Variants in TOX3 observed in about 807,000 individuals in gnomAD.
TOX3 encodes CAG trinucleotide repeat-containing gene F9 protein.
Under a neutral mutation model 64.3 loss-of-function variants are expected in TOX3, and 22 were observed. That is an observed-to-expected ratio of 0.34 (90% CI 0.24 to 0.49). The LOEUF (loss-of-function observed/expected upper bound fraction) is 0.49, where lower values mean the gene tolerates loss of function less well. Ranked by LOEUF, TOX3 falls within the 20% of genes least tolerant of loss-of-function variation. The pLI is 0.99. For missense variants in TOX3, 661 were observed against 714.4 expected, an observed-to-expected ratio of 0.93 and a Z score of 0.85; for synonymous variants, 291 against 273.6, an observed-to-expected ratio of 1.06 and a Z score of -0.63.
chr16:52,493,522 G>T (rs2151459403), intron 1 of TOX3, among the ~76,000 whole-genome samples: 1 of 152,316 alleles, frequency 6.6e-6, no homozygotes, highest in East Asian at 1.9e-4. Context: ...CATCTGAAGA[G>T]AATTACTTAC....
At chr16:52,500,396 C>A (rs1308178474) in intron 1 of TOX3, among the ~76,000 whole-genome samples, 1 of 152,156 alleles carries the variant, frequency 6.6e-6, no homozygotes, top group East Asian at 1.9e-4. Context: ...ACTATGGGTA[C>A]CAGTTAATCG....
At chr16:52,518,962 A>T (rs1962526407) in intron 1 of TOX3, among the ~76,000 whole-genome samples, 3 of 152,206 alleles carry the variant, frequency 2.0e-5, no homozygotes, top group Non-Finnish European at 4.4e-5. Context: ...TGTAAACACC[A>T]ATGGCAATGA....
At chr16:52,453,451 T>C (rs2151748408) in intron 3 of TOX3, among the ~76,000 whole-genome samples, 1 of 152,298 alleles carries the variant, frequency 6.6e-6, no homozygotes. Context: ...CCCAAAGTGC[T>C]GGGATTACAG....
At chr16:52,537,218 G>A (rs1460999048) in intron 1 of TOX3, among the ~76,000 whole-genome samples, 1 of 151,744 alleles carries the variant, frequency 6.6e-6, no homozygotes, top group Non-Finnish European at 1.5e-5. Flanking sequence ...CACATACACA[G>A]TTTACTAGTA....
At chr16:52,465,156 A>G (rs1320571565) in intron 2 of TOX3, among the ~76,000 whole-genome samples, 2 of 151,386 alleles carry the variant, frequency 1.3e-5, no homozygotes, top group Non-Finnish European at 2.9e-5. Context: ...CTGGGACTAC[A>G]GGCGCCCGCC....
intron 6 of TOX3, among the ~76,000 whole-genome samples, chr16:52,440,581 A>G (rs1401486434): frequency 6.6e-6 from 1 of 152,100 alleles, no homozygotes; most frequent in Non-Finnish European, 1.5e-5. Context: ...AGTCTGTACT[A>G]ACGACTTTAC....
At chr16:52,523,586 T>A (rs1386214725) in intron 1 of TOX3, among the ~76,000 whole-genome samples, 1 of 152,120 alleles carries the variant, frequency 6.6e-6, no homozygotes, top group Non-Finnish European at 1.5e-5. Context: ...CATCAATGAG[T>A]CCTGTGGGAA....
intron 1 of TOX3, among the ~76,000 whole-genome samples, chr16:52,546,138 T>A (rs1963177083): frequency 6.6e-6 from 1 of 151,878 alleles, no homozygotes; most frequent in Non-Finnish European, 1.5e-5. Context: ...TGTCCAGGCA[T>A]ACTCAAAAGT....
intron 3 of TOX3, among the ~76,000 whole-genome samples, chr16:52,455,655 G>C (rs1407982420): frequency 6.6e-6 from 1 of 152,114 alleles, no homozygotes; most frequent in Non-Finnish European, 1.5e-5. Context: ...CAATAGGAAA[G>C]GCCTCTCAAA....
intron 3 of TOX3, among the ~76,000 whole-genome samples, chr16:52,452,483 ATTG>A (rs1463545041): frequency 2.1e-5 from 3 of 141,984 alleles, no homozygotes; most frequent in African/African-American, 5.3e-5. Context: ...AATCCAGTCT[ATTG>A]TTGTTGGACA....
intron 1 of TOX3, among the ~76,000 whole-genome samples, chr16:52,543,666 G>A (rs1475318468): frequency 6.6e-6 from 1 of 152,174 alleles, no homozygotes; most frequent in African/African-American, 2.4e-5. Flanking sequence ...AAACAGTGAT[G>A]ACTTTAAGTT....
At chr16:52,527,691 T>C (rs1247675838) in intron 1 of TOX3, among the ~76,000 whole-genome samples, 1 of 152,190 alleles carries the variant, frequency 6.6e-6, no homozygotes, top group Non-Finnish European at 1.5e-5. Flanking sequence ...TTAGCTATTC[T>C]GGGGAACACA....
intron 1 of TOX3, among the ~76,000 whole-genome samples, chr16:52,501,615 G>A (rs764593769): frequency 3.3e-5 from 5 of 151,422 alleles, no homozygotes; most frequent in Non-Finnish European, 5.9e-5. Flanking sequence ...AGTCGACACC[G>A]CGCCACTGCA....
chr16:52,487,369 A>G (rs980677020), intron 1 of TOX3, among the ~76,000 whole-genome samples: 2 of 152,146 alleles, frequency 1.3e-5, no homozygotes, highest in Non-Finnish European at 2.9e-5. Context: ...GGCAAAATGA[A>G]GAAAAATAAG....
At chr16:52,455,241 A>G (rs1960480557) in intron 3 of TOX3, among the ~76,000 whole-genome samples, 1 of 152,044 alleles carries the variant, frequency 6.6e-6, no homozygotes. Flanking sequence ...GCGATATTAG[A>G]TAAGAGTTTC....
In TOX3 at chr16:52,485,244, G is replaced by GTATATATATATATA. The variant is rs761645024; in HGVS notation, c.88-16671_88-16670insTATATATATATATA. 1.4e-3 allele frequency among the ~76,000 whole-genome samples: 135 copies of GTATATATATATATA among 95,288 alleles called. 2 individuals are homozygous for GTATATATATATATA. Among genetic ancestry groups the GTATATATATATATA allele is most frequent in the African/African-American group, 6.8e-3 (124 of 18,316 alleles). The allele number at this position is 95,288 out of a possible 152,430, so 62.5% of individuals were successfully genotyped here. On this transcript the variant is annotated intron_variant, in intron 1 of 6. Coordinates refer to ENST00000219746, the MANE Select transcript of TOX3 (RefSeq NM_001080430.4). ...TACATGTGTGTGTGTGTATGTGTGT[G>GTATATATATATATA]TGTATATATATATATATATATATAT...
chr16:52,471,789 G>A (rs536933346), intron 1 of TOX3, among the ~76,000 whole-genome samples: 1 of 152,226 alleles, frequency 6.6e-6, no homozygotes, highest in African/African-American at 2.4e-5. Context: ...TCCAAACTGG[G>A]ACTAATCATA....
rs1959800859 is a variant in TOX3, at chr16:52,437,977, A to G, written c.*1248T>C. On this transcript the variant is annotated 3_prime_UTR_variant, in exon 7 of 7. Transcript: ENST00000219746. ...AACTTGGTATGTGGCATATTTCCCC[A>G]TCTTACATGTATTCAAGGAACCAAA... The G allele has an allele frequency of 6.6e-6, 1 of 152,618 alleles. No homozygotes were observed. The highest frequency in any genetic ancestry group is 2.4e-5 in the African/African-American group (1 of 41,462). 9.5% of individuals were successfully genotyped at this position (152,618 alleles called of 1,614,324 possible).
chr16:52,534,655 G>A (rs551423170), intron 1 of TOX3, among the ~76,000 whole-genome samples: 28 of 151,936 alleles, frequency 1.8e-4, no homozygotes, highest in African/African-American at 6.3e-4. Context: ...ACAAAAAAGA[G>A]TTAATGGAAA....
Sources: gnomAD v4.1 joint callset for allele counts (sites outside exome capture counted in the v4.1 genomes callset) on GRCh38, gnomAD v4.1.1 for gene constraint, MANE v1.5 for transcripts, NCBI Gene and HGNC (gene_info 2026-07-23, HGNC 2026-07-21) for gene names.